The following PRKAG1 variants were observed in gnomAD, a reference collection of about 807,000 sequenced individuals.
PRKAG1 encodes protein kinase AMP-activated non-catalytic subunit gamma 1, also known as 5'-AMP-activated protein kinase subunit gamma-1.
In PRKAG1, 27 loss-of-function variants were observed where a neutral mutation model predicts 48.2. The observed-to-expected ratio is 0.56, with a 90% CI of 0.41 to 0.77. PRKAG1 has a LOEUF of 0.77. Ranked by LOEUF, PRKAG1 falls within the 30% of genes least tolerant of loss-of-function variation. The pLI is 0.00. For missense variants in PRKAG1, 287 were observed against 398.3 expected (o/e 0.72, Z 2.38); for synonymous variants, 130 against 147.7 (o/e 0.88, Z 0.87).
At chr12:49,012,984 T>C in intron 2 of PRKAG1, 78 bp downstream of exon 2, 2 of 1,413,488 alleles carry the variant, frequency 1.4e-6, no homozygotes, top group East Asian at 2.3e-5. Context: ...AGGGGAGAGA[T>C]TCAAAAGCAT....
chr12:49,008,769 G>A (rs888561372), intron 2 of PRKAG1, among the ~76,000 whole-genome samples: 1 of 152,166 alleles, frequency 6.6e-6, no homozygotes, highest in South Asian at 2.1e-4. Context: ...TTGCCTGCTA[G>A]CTGCTGGTGT....
At chr12:49,018,441 A>G in intron 1 of PRKAG1, 1 of 1,323,788 alleles carries the variant, frequency 7.6e-7, no homozygotes, top group South Asian at 2.0e-5. Flanking sequence ...ATAGGAAAGG[A>G]GGCCCGAGAT....
At chr12:49,008,155 G>A (rs1022023800) in intron 2 of PRKAG1, among the ~76,000 whole-genome samples, 1 of 151,990 alleles carries the variant, frequency 6.6e-6, no homozygotes, top group African/African-American at 2.4e-5. Context: ...CACTGCACCC[G>A]GCCAGTATTT....
intron 2 of PRKAG1, among the ~76,000 whole-genome samples, chr12:49,010,423 C>A (rs963603545): frequency 1.3e-5 from 2 of 152,116 alleles, no homozygotes; most frequent in African/African-American, 2.4e-5. Flanking sequence ...CTTCTGCCAG[C>A]GCTCTGGAAA....
At position 49,002,733 on chromosome 12, in the gene PRKAG1, T is replaced by C. The variant is rs1941338783; in HGVS notation, c.*166A>G. ...AGGGTAAGGGTAGCTATAAATCCAT[T>C]CTCTTTCCTCCCCCATACCTTCCCT... On this transcript the variant is annotated 3_prime_UTR_variant, in exon 12 of 12. Coordinates refer to ENST00000548065, the MANE Select transcript of PRKAG1 (RefSeq NM_002733.5). 2.7e-6 allele frequency: 2 copies of C among 743,950 alleles called. No homozygotes were observed. Among genetic ancestry groups the C allele is most frequent in the African/African-American group, 1.7e-5 (1 of 58,086 alleles). 46.1% of individuals were successfully genotyped at this position (743,950 alleles called of 1,614,324 possible). A position where few individuals can be genotyped will look rare whatever the true frequency, so the allele number is the denominator to read the frequency against.
chr12:49,013,488 C>T (rs558703867), intron 1 of PRKAG1, among the ~76,000 whole-genome samples: 14 of 152,088 alleles, frequency 9.2e-5, no homozygotes, highest in African/African-American at 3.4e-4. Context: ...CAAGTGATTG[C>T]CCTCCTTGGC....
chr12:49,013,559 G>A (rs1458604812), intron 1 of PRKAG1, among the ~76,000 whole-genome samples: 1 of 151,998 alleles, frequency 6.6e-6, no homozygotes, highest in East Asian at 1.9e-4. Flanking sequence ...AGGCTCTTCA[G>A]AAATATGATC....
In PRKAG1 at chr12:49,002,894, C is replaced by G; in HGVS notation, c.*5G>C. Reference sequence around the variant, plus strand: ...CCCTGGTGCTGCATGACCCCTTCCCCCAGCTCAGGGCTTCTTCTCTCCACC... The same window carrying G: ...CCCTGGTGCTGCATGACCCCTTCCCGCAGCTCAGGGCTTCTTCTCTCCACC... On this transcript the variant is annotated 3_prime_UTR_variant, in exon 12 of 12. Transcript: ENST00000548065. 1 of 1,612,956 alleles carries G rather than the reference C, an allele frequency of 6.2e-7. No homozygotes were observed. The highest frequency in any genetic ancestry group is 8.5e-7 in the Non-Finnish European group (1 of 1,178,954).
intron 1 of PRKAG1, among the ~76,000 whole-genome samples, chr12:49,016,265 G>A (rs886785964): frequency 6.6e-6 from 1 of 152,122 alleles, no homozygotes; most frequent in African/African-American, 2.4e-5. Context: ...TAACATAAGG[G>A]ACCTGAGAAA....
At chr12:49,007,859 C>CTT (rs766217437) in intron 2 of PRKAG1, among the ~76,000 whole-genome samples, 37 of 136,532 alleles carry the variant, frequency 2.7e-4, no homozygotes, top group African/African-American at 8.2e-4. Flanking sequence ...GTATTTCAAT[C>CTT]TTTTTTTTTT....
chr12:49,018,315 A>C (rs757816288), intron 1 of PRKAG1: 1 of 357,186 alleles, frequency 2.8e-6, no homozygotes, highest in African/African-American at 2.2e-5. Context: ...CAGAAAGACC[A>C]TCGAGGTCCA....
In PRKAG1 at chr12:49,003,306, A is replaced by C. The variant is rs767551608; in HGVS notation, c.742-16T>G. 4 of 1,613,902 alleles carry C rather than the reference A, an allele frequency of 2.5e-6. No individual in the cohort carries two copies. In the East Asian group the frequency reaches 8.9e-5, roughly 36 times the overall value. ...CTGCCAGATTCTGGGGAGACAGAGG[A>C]AGGAGCTTGCAGGGAAGCAAGAGAG... On this transcript the variant is annotated splice_polypyrimidine_tract_variant and intron_variant, in intron 10 of 11. Coordinates refer to ENST00000548065, the MANE Select transcript of PRKAG1 (RefSeq NM_002733.5).
chr12:49,007,001 A>C (rs1435991979), intron 2 of PRKAG1, among the ~76,000 whole-genome samples: 1 of 139,612 alleles, frequency 7.2e-6, no homozygotes, highest in Non-Finnish European at 1.5e-5. Context: ...AATAAATTAC[A>C]TTGGCTGGGC....
intron 2 of PRKAG1, among the ~76,000 whole-genome samples, chr12:49,011,274 C>A (rs2137672645): frequency 6.6e-6 from 1 of 152,312 alleles, no homozygotes; most frequent in South Asian, 2.1e-4. Flanking sequence ...TAAATACTAT[C>A]ATTCAGGCCA....
At chr12:49,011,698 G>C (rs11168820) in intron 2 of PRKAG1, among the ~76,000 whole-genome samples, 7 of 151,854 alleles carry the variant, frequency 4.6e-5, no homozygotes, top group Admixed American at 2.0e-4. Flanking sequence ...AAGCAGCTGG[G>C]ATTATAGGCG....
Position 49,018,755 on chromosome 12 carries a change from G to A in PRKAG1, c.-15C>T, listed in dbSNP as rs773714458. On this transcript the variant is annotated 5_prime_UTR_variant, in exon 1 of 12. Coordinates refer to ENST00000548065, the MANE Select transcript of PRKAG1 (RefSeq NM_002733.5). Reference sequence around the variant, plus strand: ...ACCGTCTCCATTGCAAGAGGCGCCCGGCTTGGTTTCCTCGCTTTAGGAAAC... The same window carrying A: ...ACCGTCTCCATTGCAAGAGGCGCCCAGCTTGGTTTCCTCGCTTTAGGAAAC... 4.3e-6 allele frequency: 7 copies of A among 1,612,680 alleles called. No individual in the cohort carries two copies. The highest frequency in any genetic ancestry group is 1.7e-5 in the Admixed American group (1 of 60,026).
At position 49,013,120 on chromosome 12, in the gene PRKAG1, TAAGAA is replaced by T. The variant is rs1332795054; in HGVS notation, c.10-15_10-11del. On this transcript the variant is annotated splice_polypyrimidine_tract_variant and intron_variant, in intron 1 of 11. Coordinates refer to ENST00000548065, the MANE Select transcript of PRKAG1 (RefSeq NM_002733.5). ...TATCTGAAGAAATGACCTGGAGAGA[TAAGAA>T]AACAGATTCAGCTTAACCTGGTTCC... 6.2e-7 allele frequency: 1 copy of T among 1,612,144 alleles called. No homozygotes were observed. Among genetic ancestry groups the T allele is most frequent in the Admixed American group, 1.7e-5 (1 of 59,986 alleles).
chr12:49,011,590 T>G, intron 2 of PRKAG1, among the ~76,000 whole-genome samples: 1 of 152,054 alleles, frequency 6.6e-6, no homozygotes, highest in East Asian at 1.9e-4. Flanking sequence ...TCACTTTTGT[T>G]GCCCAGGCTG....
intron 2 of PRKAG1, among the ~76,000 whole-genome samples, chr12:49,011,620 C>T (rs145800687): frequency 1.3e-5 from 2 of 151,624 alleles, no homozygotes; most frequent in African/African-American, 2.4e-5. Context: ...GGCATGATCT[C>T]GGCTCACTGC....
Sources: gnomAD v4.1 joint callset for allele counts (sites outside exome capture counted in the v4.1 genomes callset) on GRCh38, gnomAD v4.1.1 for gene constraint, MANE v1.5 for transcripts, NCBI Gene and HGNC (gene_info 2026-07-23, HGNC 2026-07-21) for gene names.